Variants in PLXDC2 observed in about 807,000 individuals in gnomAD.
PLXDC2 encodes plexin domain-containing protein 2.
In PLXDC2, 40 loss-of-function variants were observed where a neutral mutation model predicts 68.9. The ratio of observed to expected loss-of-function variants is 0.58; its 90% CI spans 0.45 to 0.76. The LOEUF is 0.76. Among genes scored for constraint, PLXDC2 ranks in the 30% least tolerant of loss-of-function variants. The pLI is 0.00. For synonymous variants in PLXDC2, 243 were observed against 234.2 expected (o/e 1.04, Z -0.34); for missense variants, 644 against 661.9 (o/e 0.97, Z 0.30).
chr10:19,821,160 G>A (rs1161332125), intron 1 of PLXDC2, among the ~76,000 whole-genome samples: 1 of 152,170 alleles, frequency 6.6e-6, no homozygotes, highest in Non-Finnish European at 1.5e-5. Flanking sequence ...CATTAATACA[G>A]TCTCTTCTCC....
intron 1 of PLXDC2, among the ~76,000 whole-genome samples, chr10:19,856,410 A>G (rs1414323661): frequency 6.7e-6 from 1 of 149,348 alleles, no homozygotes; most frequent in Non-Finnish European, 1.5e-5. Flanking sequence ...ACACACACAC[A>G]CACTCACACA....
At chr10:20,202,658 C>T (rs1016146058) in intron 9 of PLXDC2, among the ~76,000 whole-genome samples, 8 of 152,152 alleles carry the variant, frequency 5.3e-5, no homozygotes, top group African/African-American at 1.9e-4. Context: ...AATTGGATTT[C>T]ACTGTGAGAA....
chr10:19,919,673 T>C (rs753557522), intron 1 of PLXDC2, among the ~76,000 whole-genome samples: 3 of 152,238 alleles, frequency 2.0e-5, no homozygotes, highest in Non-Finnish European at 4.4e-5. Flanking sequence ...CTGCAGCTGA[T>C]AGTGGTAATT....
chr10:20,279,738 A>G lies in PLXDC2; in HGVS notation c.1509A>G (p.Arg503=). 6.2e-7 allele frequency: 1 copy of G among 1,613,964 alleles called. No homozygotes were observed. The highest frequency in any genetic ancestry group is 8.5e-7 in the Non-Finnish European group (1 of 1,179,916). ...GCAGATGGCCTGCGATGAAGTTTAG[A>G]AGAGGCTCTGGACATCCTGCCTATG... ...RPSRWPAMKF[R]RGSGHPAYAE... Residue 503 remains arginine (R), a synonymous_variant, in exon 14 of 14, where the codon AGA becomes AGG. Transcript: ENST00000377252.
chr10:19,931,087 A>G (rs575500842), intron 1 of PLXDC2, among the ~76,000 whole-genome samples: 6 of 152,326 alleles, frequency 3.9e-5, no homozygotes, highest in Middle Eastern at 3.4e-3. Context: ...GTCTTCTGCA[A>G]CCCGCAAACA....
At chr10:19,973,114 A>T (rs1834381310) in intron 1 of PLXDC2, among the ~76,000 whole-genome samples, 1 of 151,796 alleles carries the variant, frequency 6.6e-6, no homozygotes, top group African/African-American at 2.4e-5. Flanking sequence ...AATTTTAATT[A>T]TATTTTTTCT....
chr10:19,915,638 T>G (rs116780703), intron 1 of PLXDC2, among the ~76,000 whole-genome samples: 2 of 152,142 alleles, frequency 1.3e-5, no homozygotes, highest in Admixed American at 1.3e-4. Context: ...TTAACAGTTC[T>G]TTTAATCAGG....
rs1308741412 is a variant in PLXDC2, at chr10:20,186,436, A to G, written c.1061+9027A>G. ...TTTCTCTTTAACTTTTATTTTAGGT[A>G]AGAAGTACACATGCAGGCTTGTTAT... is the stretch of plus-strand genomic sequence containing the variant. On this transcript the variant is annotated intron_variant, in intron 9 of 13. Coordinates refer to ENST00000377252, the MANE Select transcript of PLXDC2 (RefSeq NM_032812.9). Among the ~76,000 whole-genome samples, 4 of 152,006 alleles carry G rather than the reference A, an allele frequency of 2.6e-5. No individual in the cohort carries two copies. The East Asian group carries it at 7.8e-4, about 30-fold the overall frequency.
intron 1 of PLXDC2, among the ~76,000 whole-genome samples, chr10:19,830,186 G>T (rs1291077778): frequency 1.3e-5 from 2 of 152,088 alleles, no homozygotes; most frequent in Non-Finnish European, 2.9e-5. Flanking sequence ...GAGTCCAACT[G>T]GGAAACACCC....
chr10:20,226,142 A>G (rs934550767), intron 12 of PLXDC2, among the ~76,000 whole-genome samples: 1 of 152,198 alleles, frequency 6.6e-6, no homozygotes. Context: ...CTTTCCTGAA[A>G]CAGTATTTTA....
At chr10:19,947,644 C>T (rs1262944907) in intron 1 of PLXDC2, among the ~76,000 whole-genome samples, 5 of 151,854 alleles carry the variant, frequency 3.3e-5, no homozygotes, top group Admixed American at 1.3e-4. Flanking sequence ...TTCTGTAATA[C>T]ACCTCAGGGT....
chr10:19,885,470 G>A (rs893645500), intron 1 of PLXDC2, among the ~76,000 whole-genome samples: 1 of 152,086 alleles, frequency 6.6e-6, no homozygotes, highest in Non-Finnish European at 1.5e-5. Flanking sequence ...TTTCTTCTAG[G>A]GTTTTTATGG....
chr10:20,164,545 C>T lies in PLXDC2; in HGVS notation c.861C>T (p.Val287=). 6.2e-7 allele frequency: 1 copy of T among 1,612,770 alleles called. No homozygotes were observed. The highest frequency in any genetic ancestry group is 2.2e-5 in the East Asian group (1 of 44,740). ...KVGLSDAFVV[V]HRIQQIPNVR... ...GACTGTCCGATGCATTTGTCGTTGTCCACAGGATCCAACAAATTCCCAGTA... is the reference window on the plus strand; with the variant it reads ...GACTGTCCGATGCATTTGTCGTTGTTCACAGGATCCAACAAATTCCCAGTA... The change falls in exon 7 of 14, where the codon GTC becomes GTT. Residue 287 remains valine, a synonymous_variant. Coordinates refer to ENST00000377252, the MANE Select transcript of PLXDC2 (RefSeq NM_032812.9).
chr10:20,160,305 A>C (rs1332913842), intron 6 of PLXDC2, among the ~76,000 whole-genome samples: 1 of 152,124 alleles, frequency 6.6e-6, no homozygotes, highest in Non-Finnish European at 1.5e-5. Context: ...CAGATGCAGT[A>C]ATCAGAAATC....
chr10:19,953,513 A>T (rs72789622), intron 1 of PLXDC2, among the ~76,000 whole-genome samples: 1 of 152,164 alleles, frequency 6.6e-6, no homozygotes, highest in South Asian at 2.1e-4. Context: ...TTTGAACAAT[A>T]AAACAGAAAC....
intron 2 of PLXDC2, among the ~76,000 whole-genome samples, chr10:20,031,333 G>A (rs542995207): frequency 6.6e-6 from 1 of 151,858 alleles, no homozygotes; most frequent in Non-Finnish European, 1.5e-5. Context: ...TTGTGCCACT[G>A]CTCTCCAGCC....
At chr10:20,010,927 A>G (rs1243984146) in intron 2 of PLXDC2, among the ~76,000 whole-genome samples, 2 of 152,208 alleles carry the variant, frequency 1.3e-5, no homozygotes, top group Non-Finnish European at 2.9e-5. Context: ...AATATAGAGA[A>G]TGCCAAGTAA....
At chr10:20,194,858 T>C (rs987196446) in intron 9 of PLXDC2, among the ~76,000 whole-genome samples, 1 of 142,446 alleles carries the variant, frequency 7.0e-6, no homozygotes, top group Non-Finnish European at 1.5e-5. Flanking sequence ...GTTCTGCTGA[T>C]TTTTGTGAGC....
chr10:19,823,054 T>C (rs909453493), intron 1 of PLXDC2, among the ~76,000 whole-genome samples: 32 of 152,080 alleles, frequency 2.1e-4, no homozygotes, highest in African/African-American at 5.8e-4. Flanking sequence ...TAGCTGGGAC[T>C]ACAGGCACCC....
Sources: gnomAD v4.1 joint callset for allele counts (sites outside exome capture counted in the v4.1 genomes callset) on GRCh38, gnomAD v4.1.1 for gene constraint, MANE v1.5 for transcripts, NCBI Gene and HGNC (gene_info 2026-07-23, HGNC 2026-07-21) for gene names.